SOX5: variants seen among roughly 807,000 people sequenced by gnomAD.
SOX5 encodes transcription factor SOX-5.
SOX5 carries 9 observed loss-of-function variants against 92.0 expected under a neutral mutation model. That is an observed-to-expected ratio of 0.10 (90% CI 0.06 to 0.17). The LOEUF is 0.17. Ranked by LOEUF, SOX5 falls within the 10% of genes least tolerant of loss-of-function variation. The pLI, the probability that SOX5 is intolerant of heterozygous loss-of-function variation, is 1.00. For missense variants in SOX5, 642 were observed against 944.5 expected (o/e 0.68, Z 4.20); for synonymous variants, 344 against 336.3 (o/e 1.02, Z -0.25).
intron 4 of SOX5, among the ~76,000 whole-genome samples, chr12:24,138,575 C>G (rs781589149): frequency 1.3e-5 from 2 of 152,162 alleles, no homozygotes; most frequent in African/African-American, 2.4e-5. Flanking sequence ...ATTACAGAAG[C>G]ATTTGTGTAG....
intron 1 of SOX5, among the ~76,000 whole-genome samples, chr12:24,462,951 C>A (rs1321270726): frequency 1.3e-5 from 2 of 152,190 alleles, no homozygotes; most frequent in Non-Finnish European, 2.9e-5. Flanking sequence ...GGTGCAGTGG[C>A]TCCTGCCGGT....
intron 1 of SOX5, among the ~76,000 whole-genome samples, chr12:24,415,470 C>T (rs1161786690): frequency 6.6e-6 from 1 of 152,040 alleles, no homozygotes; most frequent in African/African-American, 2.4e-5. Flanking sequence ...AAGCAAAAAC[C>T]CTGAAAATAC....
intron 9 of SOX5, among the ~76,000 whole-genome samples, chr12:23,594,243 A>G (rs548316753): frequency 2.3e-4 from 35 of 151,550 alleles, no homozygotes; most frequent in East Asian, 1.5e-3. Flanking sequence ...TTGAATCTAC[A>G]CTCCTGGTCC....
intron 1 of SOX5, among the ~76,000 whole-genome samples, chr12:23,940,436 C>T (rs1427483494): frequency 6.6e-6 from 1 of 151,158 alleles, no homozygotes; most frequent in African/African-American, 2.4e-5. Context: ...CAAATAGCTA[C>T]ATAAATGCAA....
intron 4 of SOX5, among the ~76,000 whole-genome samples, chr12:24,151,997 T>C (rs1951704661): frequency 6.6e-6 from 1 of 152,174 alleles, no homozygotes; most frequent in Non-Finnish European, 1.5e-5. Flanking sequence ...AGAAAATGTC[T>C]CATTGAATTC....
chr12:24,200,132 A>G (rs1449734797), intron 4 of SOX5, among the ~76,000 whole-genome samples: 1 of 152,176 alleles, frequency 6.6e-6, no homozygotes, highest in Non-Finnish European at 1.5e-5. Flanking sequence ...CTAATCTCAT[A>G]TGTGTCATAA....
In SOX5 at chr12:24,506,945, T is replaced by C. The variant is rs1052178942; in HGVS notation, c.-251+55384A>G. Among the ~76,000 whole-genome samples the C allele has an allele frequency of 8.6e-5, 13 of 151,760 alleles. No homozygotes were observed. The South Asian group carries it at 2.1e-3, about 24-fold the overall frequency. ...AGCTGGGACTACAGGCGCCCGCCACTGCACCCGGCTAATTTTTTGTATTTT... is the reference window on the plus strand; with the variant it reads ...AGCTGGGACTACAGGCGCCCGCCACCGCACCCGGCTAATTTTTTGTATTTT... On this transcript the variant is annotated intron_variant, in intron 1 of 4. Coordinates refer to the SOX5 transcript ENST00000446891.
At chr12:24,301,342 A>G (rs1947923707) in intron 2 of SOX5, among the ~76,000 whole-genome samples, 1 of 152,364 alleles carries the variant, frequency 6.6e-6, no homozygotes, top group Middle Eastern at 3.4e-3. Context: ...ATTTATGGAA[A>G]GCATCAATCT....
intron 3 of SOX5, among the ~76,000 whole-genome samples, chr12:24,213,845 G>A (rs991480987): frequency 6.6e-6 from 1 of 152,036 alleles, no homozygotes; most frequent in African/African-American, 2.4e-5. Flanking sequence ...CATGTGTGAT[G>A]CACAAACTCA....
chr12:23,984,911 A>G (rs1949917461), intron 4 of SOX5, among the ~76,000 whole-genome samples: 1 of 152,196 alleles, frequency 6.6e-6, no homozygotes, highest in Non-Finnish European at 1.5e-5. Flanking sequence ...ATTTTAACCC[A>G]TTTATGCCAG....
intron 4 of SOX5, among the ~76,000 whole-genome samples, chr12:24,070,241 C>T (rs1015068760): frequency 6.6e-6 from 1 of 152,162 alleles, no homozygotes; most frequent in Non-Finnish European, 1.5e-5. Context: ...TCCATTTCCA[C>T]CCCTTCCTAC....
intron 1 of SOX5, among the ~76,000 whole-genome samples, 159 bp from the exon 2 acceptor site, chr12:23,896,183 C>T (rs892313994): frequency 2.6e-5 from 4 of 152,166 alleles, no homozygotes; most frequent in African/African-American, 9.7e-5. Context: ...CAATCAGAAA[C>T]AATGGCCAAG....
At chr12:23,598,543 C>T (rs371864907) in intron 9 of SOX5, among the ~76,000 whole-genome samples, 6 of 151,414 alleles carry the variant, frequency 4.0e-5, no homozygotes, top group Non-Finnish European at 5.9e-5. Context: ...GGACTACAGG[C>T]GCCTGCCACC....
At chr12:24,145,409 T>C (rs1565527549) in intron 4 of SOX5, among the ~76,000 whole-genome samples, 1 of 152,118 alleles carries the variant, frequency 6.6e-6, no homozygotes, top group Non-Finnish European at 1.5e-5. Context: ...TTTAAAAAGA[T>C]CTAACTACGT....
intron 4 of SOX5, among the ~76,000 whole-genome samples, chr12:24,201,363 A>T (rs1341378233): frequency 6.6e-6 from 1 of 151,978 alleles, no homozygotes; most frequent in Non-Finnish European, 1.5e-5. Flanking sequence ...AAAAAAATGC[A>T]CCTGCATAGT....
intron 5 of SOX5, among the ~76,000 whole-genome samples, chr12:23,735,885 T>G (rs1199652088): frequency 6.6e-6 from 1 of 152,228 alleles, no homozygotes; most frequent in African/African-American, 2.4e-5. Context: ...TTTATTTATT[T>G]GCTAGTAACA....
At chr12:24,452,697 G>C (rs1942485518) in intron 1 of SOX5, among the ~76,000 whole-genome samples, 1 of 152,146 alleles carries the variant, frequency 6.6e-6, no homozygotes, top group Admixed American at 6.6e-5. Context: ...GAAAGCTTAG[G>C]GGGAGAGAAG....
chr12:23,772,019 G>T (rs1657590279), intron 3 of SOX5, among the ~76,000 whole-genome samples: 1 of 152,062 alleles, frequency 6.6e-6, no homozygotes. Flanking sequence ...CTCTCTCAAA[G>T]TTCAAGAAGA....
At chr12:23,815,549 A>AT (rs1414382615) in intron 3 of SOX5, among the ~76,000 whole-genome samples, 25 of 152,208 alleles carry the variant, frequency 1.6e-4, no homozygotes, top group African/African-American at 6.0e-4. Flanking sequence ...TAGCTCTAGA[A>AT]TTTCATGCCT....
Sources: allele counts gnomAD v4.1 joint callset (sites outside exome capture counted in the v4.1 genomes callset), GRCh38; gene constraint gnomAD v4.1.1; transcripts MANE v1.5; gene names NCBI Gene and HGNC (gene_info 2026-07-23, HGNC 2026-07-21).